The following NRG3 variants were observed in gnomAD, a reference collection of about 807,000 sequenced individuals.
NRG3 encodes the protein neuregulin 3, also known as pro-neuregulin-3, membrane-bound isoform.
A neutral mutation model predicts 66.9 loss-of-function variants in NRG3; 31 were observed. That is an observed-to-expected ratio of 0.46 (90% CI 0.35 to 0.63). The LOEUF (loss-of-function observed/expected upper bound fraction) is 0.63. NRG3 is among the 20% of genes least tolerant of loss of function. The probability of loss-of-function intolerance (pLI) is 0.00; values close to 1 mark genes in which losing one functional copy is unlikely to be tolerated. For missense variants in NRG3, 910 were observed against 878.9 expected, an observed-to-expected ratio of 1.04 and a Z score of -0.45; for synonymous variants, 393 against 359.4, an observed-to-expected ratio of 1.09 and a Z score of -1.06.
At chr10:82,645,563 C>T (rs2050873269) in intron 2 of NRG3, among the ~76,000 whole-genome samples, 1 of 152,182 alleles carries the variant, frequency 6.6e-6, no homozygotes, top group Admixed American at 6.5e-5. Flanking sequence ...CAACCATTAT[C>T]AGTTGAACAA....
chr10:82,954,179 C>T (rs1849807816), intron 5 of NRG3, among the ~76,000 whole-genome samples: 1 of 151,908 alleles, frequency 6.6e-6, no homozygotes, highest in South Asian at 2.1e-4. Flanking sequence ...GAGCTTTGTA[C>T]AAGAAAGAAA....
intron 1 of NRG3, among the ~76,000 whole-genome samples, chr10:82,292,957 G>T (rs1204753890): frequency 1.3e-5 from 2 of 152,146 alleles, no homozygotes; most frequent in South Asian, 2.1e-4. Flanking sequence ...CATTATAGTT[G>T]TGTAAGATAT....
At chr10:82,913,099 C>T (rs550393965) in intron 4 of NRG3, among the ~76,000 whole-genome samples, 18 of 152,240 alleles carry the variant, frequency 1.2e-4, no homozygotes, top group African/African-American at 4.1e-4. Flanking sequence ...GGTGCAGGCA[C>T]CTGTAGTCCC....
intron 5 of NRG3, among the ~76,000 whole-genome samples, chr10:82,954,057 T>C (rs142057950): frequency 1.1e-3 from 164 of 151,836 alleles, no homozygotes; most frequent in Non-Finnish European, 1.8e-3. Flanking sequence ...CACCCATGGT[T>C]TTCCACACTA....
intron 2 of NRG3, among the ~76,000 whole-genome samples, chr10:82,431,311 C>T (rs2089790385): frequency 6.6e-6 from 1 of 152,056 alleles, no homozygotes; most frequent in Admixed American, 6.6e-5. Context: ...TCTTCCCTGT[C>T]CTATGTATGC....
intron 1 of NRG3, among the ~76,000 whole-genome samples, chr10:82,331,945 G>A (rs1007153781): frequency 6.6e-6 from 1 of 152,196 alleles, no homozygotes; most frequent in Admixed American, 6.5e-5. Flanking sequence ...CAGCCTGTGA[G>A]CTCCACTCTG....
chr10:82,891,205 A>G (rs987704632), intron 4 of NRG3, among the ~76,000 whole-genome samples: 1 of 151,752 alleles, frequency 6.6e-6, no homozygotes, highest in Middle Eastern at 3.5e-3. Context: ...TGTTAAATCT[A>G]TAGATGAGTT....
intron 2 of NRG3, among the ~76,000 whole-genome samples, chr10:82,672,241 C>T (rs2053340444): frequency 6.6e-6 from 1 of 152,152 alleles, no homozygotes; most frequent in African/African-American, 2.4e-5. Context: ...GCAAAGGGTG[C>T]CTGGTGAGAA....
At chr10:82,377,009 C>G (rs2085284337) in intron 2 of NRG3, among the ~76,000 whole-genome samples, 1 of 152,212 alleles carries the variant, frequency 6.6e-6, no homozygotes, top group African/African-American at 2.4e-5. Context: ...TCTCTCTTGC[C>G]TGCATTCGGT....
At chr10:82,541,729 C>T (rs1430893594) in intron 2 of NRG3, among the ~76,000 whole-genome samples, 2 of 152,052 alleles carry the variant, frequency 1.3e-5, no homozygotes, top group African/African-American at 4.8e-5. Context: ...TCTTTGGAGG[C>T]AGAAATTGGG....
intron 1 of NRG3, among the ~76,000 whole-genome samples, chr10:82,334,959 T>A (rs1156234430): frequency 6.6e-6 from 1 of 152,216 alleles, no homozygotes; most frequent in Non-Finnish European, 1.5e-5. Context: ...GTTACATACA[T>A]TCATTTATAT....
intron 2 of NRG3, among the ~76,000 whole-genome samples, chr10:82,445,880 A>G (rs2090695629): frequency 6.6e-6 from 1 of 152,236 alleles, no homozygotes; most frequent in South Asian, 2.1e-4. Context: ...GAACCAGTTT[A>G]TTCTTAGCTT....
chr10:81,969,835 T>G (rs1200243154), intron 1 of NRG3, among the ~76,000 whole-genome samples: 1 of 152,020 alleles, frequency 6.6e-6, no homozygotes, highest in Non-Finnish European at 1.5e-5. Flanking sequence ...GTGCATGTAT[T>G]TACAAAAGTA....
At chr10:82,146,405 T>TC (rs1424290649) in intron 1 of NRG3, among the ~76,000 whole-genome samples, 3 of 152,134 alleles carry the variant, frequency 2.0e-5, no homozygotes, top group African/African-American at 7.2e-5. Context: ...ATTTATCGTC[T>TC]CTAGTAAGCA....
intron 1 of NRG3, among the ~76,000 whole-genome samples, chr10:81,885,291 T>C (rs1392283355): frequency 6.6e-6 from 1 of 152,182 alleles, no homozygotes; most frequent in Non-Finnish European, 1.5e-5. Flanking sequence ...AATGGAAAAG[T>C]GTCAGGGAAC....
At chr10:82,910,254 C>A (rs1845194571) in intron 4 of NRG3, among the ~76,000 whole-genome samples, 1 of 152,194 alleles carries the variant, frequency 6.6e-6, no homozygotes, top group South Asian at 2.1e-4. Context: ...TTGCCAATGT[C>A]ATCACTGCTG....
chr10:82,455,289 G>A (rs1008146804), intron 2 of NRG3, among the ~76,000 whole-genome samples: 1 of 152,132 alleles, frequency 6.6e-6, no homozygotes, highest in African/African-American at 2.4e-5. Context: ...AACATACATG[G>A]TATAGCCTAC....
intron 1 of NRG3, among the ~76,000 whole-genome samples, chr10:81,990,306 A>G (rs936060029): frequency 6.6e-6 from 1 of 152,174 alleles, no homozygotes; most frequent in Non-Finnish European, 1.5e-5. Context: ...TTACTCTCAT[A>G]TTAAAAGTGG....
intron 2 of NRG3, among the ~76,000 whole-genome samples, chr10:82,662,921 C>T: frequency 6.6e-6 from 1 of 152,128 alleles, no homozygotes; most frequent in East Asian, 1.9e-4. Context: ...TACTAGAGCC[C>T]CAGCCGATGT....
Sources: gnomAD v4.1 joint callset for allele counts (sites outside exome capture counted in the v4.1 genomes callset) on GRCh38, gnomAD v4.1.1 for gene constraint, MANE v1.5 for transcripts, NCBI Gene and HGNC (gene_info 2026-07-23, HGNC 2026-07-21) for gene names.